The following DOP1B variants were observed in gnomAD, a reference collection of about 807,000 sequenced individuals.
DOP1B encodes DOP1 leucine zipper like protein B.
Under a neutral mutation model 233.5 loss-of-function variants are expected in DOP1B, and 174 were observed. The ratio of observed to expected loss-of-function variants is 0.75; its 90% confidence interval spans 0.66 to 0.85. The LOEUF is 0.85. Ranked by LOEUF, DOP1B falls within the 40% of genes least tolerant of loss-of-function variation. The pLI, the probability that DOP1B is intolerant of heterozygous loss-of-function variation, is 0.00. For missense variants in DOP1B, 2,652 were observed against 2,846.6 expected (o/e 0.93, Z 1.56); for synonymous variants, 1,190 against 1,185.6 (o/e 1.00, Z -0.08).
At chr21:36,237,527 C>T (rs1167867325) in intron 16 of DOP1B, 113 bp downstream of exon 16, 7 of 1,331,862 alleles carry the variant, frequency 5.3e-6, no homozygotes, top group Middle Eastern at 2.1e-4. Flanking sequence ...GAGTGGACAT[C>T]GTGATTAATA....
intron 23 of DOP1B, among the ~76,000 whole-genome samples, chr21:36,255,751 T>C (rs1470862857): frequency 2.0e-5 from 3 of 152,062 alleles, no homozygotes; most frequent in Non-Finnish European, 4.4e-5. Context: ...TTTATAAAGG[T>C]AGAAAATAAA....
chr21:36,262,305 G>A (rs2067179960), intron 24 of DOP1B, among the ~76,000 whole-genome samples: 1 of 152,146 alleles, frequency 6.6e-6, no homozygotes. Context: ...GGTTAGATTT[G>A]GTCATCCTCC....
At chr21:36,178,210 G>A (rs757139184) in intron 2 of DOP1B, among the ~76,000 whole-genome samples, 2 of 152,086 alleles carry the variant, frequency 1.3e-5, no homozygotes, top group Non-Finnish European at 1.5e-5. Flanking sequence ...ATAGGAGGAG[G>A]GCAGGCACAG....
chr21:36,212,296 A>T (rs118130042), intron 7 of DOP1B, among the ~76,000 whole-genome samples, 199 bp downstream of exon 7: 4 of 152,120 alleles, frequency 2.6e-5, no homozygotes, highest in Non-Finnish European at 4.4e-5. Context: ...TTTCTTTTTT[A>T]AAAAAGGGGA....
chr21:36,257,800 AG>A (rs36085225), intron 23 of DOP1B, among the ~76,000 whole-genome samples: 85,818 of 148,264 alleles, frequency 0.58, 25,224 homozygotes, highest in African/African-American at 0.66. Context: ...AGGTAGATGT[AG>A]GGTAGGTATG....
intron 11 of DOP1B, among the ~76,000 whole-genome samples, chr21:36,223,859 C>T (rs779097988): frequency 6.6e-5 from 10 of 152,148 alleles, no homozygotes; most frequent in Non-Finnish European, 1.5e-4. Flanking sequence ...CCAGGAATAC[C>T]GAGCTTTCCT....
intron 2 of DOP1B, chr21:36,175,661 C>T (rs13051233): frequency 0.043 from 6,602 of 152,002 alleles, 189 homozygotes; most frequent in Non-Finnish European, 0.064. Context: ...GGTATGGTGG[C>T]GCATGCCTGT....
chr21:36,194,538 G>A (rs980377749), intron 2 of DOP1B, among the ~76,000 whole-genome samples: 23 of 140,116 alleles, frequency 1.6e-4, no homozygotes, highest in African/African-American at 5.7e-4. Context: ...TCAGGCTGGA[G>A]TTCAGTGGCA....
intron 32 of DOP1B, among the ~76,000 whole-genome samples, chr21:36,287,287 C>T (rs2067496359): frequency 6.6e-6 from 1 of 152,158 alleles, no homozygotes; most frequent in Admixed American, 6.6e-5. Flanking sequence ...CCACCACCCT[C>T]AAAATATGGT....
At chr21:36,214,297 G>A (rs2066535340) in intron 8 of DOP1B, 107 bp downstream of exon 8, 1 of 1,267,966 alleles carries the variant, frequency 7.9e-7, no homozygotes, top group Admixed American at 2.2e-5. Context: ...TTGGCCCCTG[G>A]TTTGGGGAAC....
intron 23 of DOP1B, among the ~76,000 whole-genome samples, chr21:36,258,805 A>G (rs963299933): frequency 1.1e-4 from 17 of 152,290 alleles, no homozygotes; most frequent in African/African-American, 4.1e-4. Context: ...AAGAGAAGCC[A>G]TCCTAAAAAA....
At chr21:36,206,943 A>G (rs1039110642) in intron 4 of DOP1B, among the ~76,000 whole-genome samples, 9 of 152,202 alleles carry the variant, frequency 5.9e-5, no homozygotes, top group African/African-American at 7.2e-5. Context: ...ATTTTACAGG[A>G]AGTTCAGACT....
At chr21:36,282,399 CAA>C (rs1287721701) in intron 32 of DOP1B, among the ~76,000 whole-genome samples, 1 of 152,154 alleles carries the variant, frequency 6.6e-6, no homozygotes, top group Non-Finnish European at 1.5e-5. Context: ...GCCTGGGCAA[CAA>C]GAGCGAAACT....
intron 1 of DOP1B, among the ~76,000 whole-genome samples, chr21:36,157,382 C>T (rs2065829305): frequency 6.6e-6 from 1 of 152,174 alleles, no homozygotes; most frequent in Non-Finnish European, 1.5e-5. Flanking sequence ...GGGACGCAGA[C>T]CTGTGAGAAC....
intron 33 of DOP1B, 22 bp from the exon 34 acceptor site, chr21:36,288,734 C>T: frequency 6.3e-7 from 1 of 1,585,478 alleles, no homozygotes; most frequent in Non-Finnish European, 8.6e-7. Flanking sequence ...CAGATAGTAA[C>T]TTGAATGCAT....
chr21:36,185,924 C>T (rs1601392827), intron 2 of DOP1B, among the ~76,000 whole-genome samples: 3 of 152,278 alleles, frequency 2.0e-5, no homozygotes, highest in Admixed American at 6.5e-5. Flanking sequence ...TTTTCTGGGC[C>T]GGGCGTGGTG....
At chr21:36,287,962 GAA>G in intron 32 of DOP1B, 50 bp from the exon 33 acceptor site, 1 of 1,574,842 alleles carries the variant, frequency 6.3e-7, no homozygotes, top group Non-Finnish European at 8.6e-7. Flanking sequence ...TGTCTGATAA[GAA>G]ACCCTAAACT....
rs550855942 is a variant in DOP1B, at chr21:36,288,822, C to G, written c.6353+11C>G. The stretch of plus-strand genomic sequence containing the variant: ...AGATGAGTCATTGAGGTAAGCAGTA[C>G]AAGATCTGTACACAAGAGGAAAAGA... On this transcript the variant is annotated intron_variant, in intron 34 of 36. Transcript: ENST00000691173. The G allele has an allele frequency of 1.2e-6, 2 of 1,606,320 alleles. No homozygotes were observed. Among genetic ancestry groups the G allele is most frequent in the Admixed American group, 3.3e-5 (2 of 59,826 alleles).
At chr21:36,219,039 A>T (rs2066594183) in intron 9 of DOP1B, among the ~76,000 whole-genome samples, 1 of 151,276 alleles carries the variant, frequency 6.6e-6, no homozygotes, top group Admixed American at 6.6e-5. Flanking sequence ...AAGTTACTTA[A>T]CCTCTCTGTG....
Sources: gnomAD v4.1 joint callset for allele counts (sites outside exome capture counted in the v4.1 genomes callset) on GRCh38, gnomAD v4.1.1 for gene constraint, MANE v1.5 for transcripts, NCBI Gene and HGNC (gene_info 2026-07-23, HGNC 2026-07-21) for gene names.